Variants in CMSS1 observed in about 807,000 individuals in gnomAD.
CMSS1 encodes protein CMSS1.
A neutral mutation model predicts 43.5 loss-of-function variants in CMSS1; 33 were observed. The observed-to-expected ratio is 0.76, with a 90% confidence interval of 0.57 to 1.01. The LOEUF is 1.01. CMSS1 is among the 50% of genes least tolerant of loss of function. The pLI is 0.00. For synonymous variants in CMSS1, 115 were observed against 117.2 expected (o/e 0.98, Z 0.12); for missense variants, 313 against 326.4 (o/e 0.96, Z 0.32).
intron 1 of CMSS1, among the ~76,000 whole-genome samples, chr3:100,070,239 ATT>A (rs1576017445): frequency 1.3e-5 from 2 of 152,166 alleles, no homozygotes; most frequent in African/African-American, 4.8e-5. Context: ...TTGAAGTTAG[ATT>A]TTGTGGGGAG....
chr3:99,948,366 GT>G (rs1282185769), intron 1 of CMSS1, among the ~76,000 whole-genome samples: 2 of 151,756 alleles, frequency 1.3e-5, no homozygotes, highest in Non-Finnish European at 1.5e-5. Flanking sequence ...TAAAAATTAA[GT>G]AAAAATAAGA....
intron 1 of CMSS1, among the ~76,000 whole-genome samples, chr3:100,034,709 C>T (rs565505125): frequency 9.2e-5 from 14 of 152,296 alleles, no homozygotes; most frequent in African/African-American, 3.1e-4. Flanking sequence ...GTTCAAAGTA[C>T]ACCTGCTTGA....
chr3:99,937,605 A>G (rs1419069989), intron 1 of CMSS1, among the ~76,000 whole-genome samples: 1 of 152,188 alleles, frequency 6.6e-6, no homozygotes, highest in Non-Finnish European at 1.5e-5. Context: ...TGGGTTTATT[A>G]TTCATATTTG....
At chr3:99,949,258 G>C (rs1708106010) in intron 1 of CMSS1, among the ~76,000 whole-genome samples, 2 of 152,146 alleles carry the variant, frequency 1.3e-5, no homozygotes, top group Non-Finnish European at 2.9e-5. Context: ...AAAAACTTTA[G>C]GCTGGTTTCC....
intron 1 of CMSS1, among the ~76,000 whole-genome samples, chr3:100,145,271 C>T (rs941283769): frequency 3.3e-5 from 5 of 151,900 alleles, no homozygotes; most frequent in African/African-American, 9.7e-5. Flanking sequence ...CGAATCCCTG[C>T]CTCTACTAAA....
At chr3:100,094,793 C>T (rs989484154) in intron 1 of CMSS1, among the ~76,000 whole-genome samples, 1 of 149,928 alleles carries the variant, frequency 6.7e-6, no homozygotes, top group African/African-American at 2.4e-5. Context: ...ATGCCATTCT[C>T]CTGCCTCAGC....
chr3:100,133,167 A>G (rs1423985087), intron 1 of CMSS1, among the ~76,000 whole-genome samples: 1 of 152,206 alleles, frequency 6.6e-6, no homozygotes, highest in East Asian at 1.9e-4. Flanking sequence ...TTTTGAAATA[A>G]TCTAAGTAAT....
At chr3:99,937,658 C>T (rs1425393247) in intron 1 of CMSS1, among the ~76,000 whole-genome samples, 4 of 152,148 alleles carry the variant, frequency 2.6e-5, no homozygotes, top group African/African-American at 7.2e-5. Context: ...ATCCCCATGT[C>T]CTACAGAGTT....
chr3:99,861,818 C>G (rs1944273585), intron 1 of CMSS1, among the ~76,000 whole-genome samples: 1 of 152,284 alleles, frequency 6.6e-6, no homozygotes, highest in Middle Eastern at 3.4e-3. Context: ...AATTCAGACT[C>G]TGGAGTTCAG....
rs1481665629 is a variant in CMSS1 at position 100,178,415 on chromosome 3, T to G, written c.*27T>G. The G allele has an allele frequency of 1.4e-6, 2 of 1,439,440 alleles. No individual in the cohort carries two copies. The highest frequency in any genetic ancestry group is 1.9e-6 in the Non-Finnish European group (2 of 1,025,950). The allele number at this position is 1,439,440 out of a possible 1,614,324, so 89.2% of individuals were successfully genotyped here. ...TCTGTGTCCTAATGAAGATTCCAGT[T>G]TTCACAGTAGAAGTTGCATCTTATT... On this transcript the variant is annotated 3_prime_UTR_variant, in exon 10 of 10. Coordinates refer to ENST00000421999, the MANE Select transcript of CMSS1 (RefSeq NM_032359.4).
chr3:100,149,590 C>G (rs1056736511), intron 2 of CMSS1, among the ~76,000 whole-genome samples: 1 of 152,192 alleles, frequency 6.6e-6, no homozygotes, highest in African/African-American at 2.4e-5. Context: ...CCAACCCTAT[C>G]CTAATTTCCC....
rs1576661129 is a variant in CMSS1 at position 100,037,784 on chromosome 3, G to C, written c.65-109189G>C. ...TAAGTGAATGTTTAAATGTTTTTGA[G>C]GAAAATGACAGTGATGATAACTTGA... On this transcript the variant is annotated intron_variant, in intron 1 of 9. Coordinates refer to ENST00000421999, the MANE Select transcript of CMSS1 (RefSeq NM_032359.4). 5.9e-5 allele frequency among the ~76,000 whole-genome samples: 9 copies of C among 152,176 alleles called. No individual in the cohort carries two copies. In the South Asian group the frequency reaches 1.9e-3, roughly 32 times the overall value.
intron 1 of CMSS1, among the ~76,000 whole-genome samples, chr3:100,024,172 T>TAAC (rs762088538): frequency 6.6e-6 from 1 of 152,158 alleles, no homozygotes; most frequent in Non-Finnish European, 1.5e-5. Flanking sequence ...TGGTTGTAAA[T>TAAC]AACAGCCATG....
At chr3:99,963,099 G>A (rs187612535) in intron 1 of CMSS1, among the ~76,000 whole-genome samples, 112 of 152,336 alleles carry the variant, frequency 7.4e-4, no homozygotes, top group Middle Eastern at 3.4e-3. Flanking sequence ...AGAGGGTTTA[G>A]CCTGCCTACA....
At chr3:100,131,579 A>G (rs1295802707) in intron 1 of CMSS1, among the ~76,000 whole-genome samples, 1 of 152,180 alleles carries the variant, frequency 6.6e-6, no homozygotes, top group East Asian at 1.9e-4. Flanking sequence ...ACTGACCCCC[A>G]TCCAGCCTCA....
chr3:99,823,688 T>C (rs1462223729), intron 1 of CMSS1, among the ~76,000 whole-genome samples: 2 of 152,180 alleles, frequency 1.3e-5, no homozygotes, highest in Non-Finnish European at 2.9e-5. Context: ...ACTTTCCTGC[T>C]TAAATCTTCC....
At chr3:100,049,416 A>C (rs778859311) in intron 1 of CMSS1, among the ~76,000 whole-genome samples, 1 of 152,178 alleles carries the variant, frequency 6.6e-6, no homozygotes, top group Non-Finnish European at 1.5e-5. Context: ...TCAGCATTAT[A>C]AGGGAGGTTA....
At chr3:99,935,300 G>A (rs1345695477) in intron 1 of CMSS1, among the ~76,000 whole-genome samples, 2 of 150,258 alleles carry the variant, frequency 1.3e-5, no homozygotes, top group Non-Finnish European at 2.9e-5. Context: ...TTTTGTGTAT[G>A]CCAAATAATG....
chr3:99,856,586 G>T (rs1030182278), intron 1 of CMSS1, among the ~76,000 whole-genome samples: 1 of 152,232 alleles, frequency 6.6e-6, no homozygotes. Context: ...CTTTCCGTTA[G>T]AGTTTCTACT....
Sources: allele counts gnomAD v4.1 joint callset (sites outside exome capture counted in the v4.1 genomes callset), GRCh38; gene constraint gnomAD v4.1.1; transcripts MANE v1.5; gene names NCBI Gene and HGNC (gene_info 2026-07-23, HGNC 2026-07-21).